CRYBG1: variants seen among roughly 807,000 people sequenced by gnomAD.
CRYBG1 encodes crystallin beta-gamma domain containing 1.
CRYBG1 carries 139 observed loss-of-function variants against 189.2 expected under a neutral mutation model. The observed-to-expected ratio is 0.73, with a 90% CI of 0.64 to 0.85. The LOEUF (loss-of-function observed/expected upper bound fraction) is 0.85, where lower values mean the gene tolerates loss of function less well. CRYBG1 is among the 40% of genes least tolerant of loss of function. The pLI, the probability that CRYBG1 is intolerant of heterozygous loss-of-function variation, is 0.00. For missense variants in CRYBG1, 2,611 were observed against 2,675.8 expected (o/e 0.98, Z 0.53); for synonymous variants, 1,023 against 1,017.1 (o/e 1.01, Z -0.11).
intron 2 of CRYBG1, among the ~76,000 whole-genome samples, chr6:106,492,135 G>A (rs867489946): frequency 7.2e-5 from 11 of 152,114 alleles, no homozygotes; most frequent in Middle Eastern, 3.4e-3. Context: ...AAAGCATTAC[G>A]CATATCTCAA....
chr6:106,427,264 G>C (rs1771244596), intron 1 of CRYBG1, among the ~76,000 whole-genome samples: 1 of 152,112 alleles, frequency 6.6e-6, no homozygotes, highest in Non-Finnish European at 1.5e-5. Context: ...AGCCTTCCCA[G>C]CCTCTCGACT....
At chr6:106,418,388 A>C (rs1771064319) in intron 1 of CRYBG1, among the ~76,000 whole-genome samples, 1 of 152,252 alleles carries the variant, frequency 6.6e-6, no homozygotes, top group South Asian at 2.1e-4. Flanking sequence ...CTGATCTTTC[A>C]GGCTTCAGGC....
At chr6:106,400,862 G>C (rs1042223595) in intron 1 of CRYBG1, among the ~76,000 whole-genome samples, 2 of 152,132 alleles carry the variant, frequency 1.3e-5, no homozygotes, top group Admixed American at 6.6e-5. Context: ...GAACTAAGTC[G>C]CAAAGTAGGT....
chr6:106,371,715 A>AT (rs1334713936), intron 1 of CRYBG1, among the ~76,000 whole-genome samples: 1 of 152,164 alleles, frequency 6.6e-6, no homozygotes, highest in African/African-American at 2.4e-5. Context: ...CTAAAACTAG[A>AT]TTTTGGATTT....
At chr6:106,564,947 T>C (rs978333450) in intron 21 of CRYBG1, among the ~76,000 whole-genome samples, 4 of 152,208 alleles carry the variant, frequency 2.6e-5, no homozygotes, top group Admixed American at 1.3e-4. Context: ...ACATACTCTA[T>C]TTTAAATCAT....
intron 1 of CRYBG1, among the ~76,000 whole-genome samples, chr6:106,422,344 A>ATTTATTTATTTATTTATTTTTTT (rs57640822): frequency 1.4e-5 from 2 of 139,928 alleles, no homozygotes; most frequent in East Asian, 4.4e-4. Flanking sequence ...TTATTTATTT[A>ATTTATTTATTTATTTATTTTTTT]TTTTTGAGAC....
At chr6:106,410,798 G>T (rs907242898) in intron 1 of CRYBG1, among the ~76,000 whole-genome samples, 15 of 152,140 alleles carry the variant, frequency 9.9e-5, no homozygotes, top group African/African-American at 3.6e-4. Context: ...CTCGTAAGTG[G>T]GAGTTGAACA....
intron 8 of CRYBG1, among the ~76,000 whole-genome samples, chr6:106,530,633 G>C (rs1056511983): frequency 6.4e-4 from 97 of 151,946 alleles, no homozygotes; most frequent in African/African-American, 2.2e-3. Context: ...GTGATTCAGA[G>C]GAGGTAATTC....
At chr6:106,433,303 T>C (rs1771371292) in intron 1 of CRYBG1, among the ~76,000 whole-genome samples, 1 of 152,148 alleles carries the variant, frequency 6.6e-6, no homozygotes, top group Non-Finnish European at 1.5e-5. Flanking sequence ...TATAAGACAA[T>C]CTTCATACTG....
Position 106,560,860 on chromosome 6 carries a change from A to G in CRYBG1, c.5913A>G (p.Ala1971=). Residue 1971 remains alanine (A), a synonymous_variant, in exon 19 of 22, where the codon GCA becomes GCG. Transcript: ENST00000633556. ...YRGRQFLLSP[A]EVPNWYEFSG... is the part of the protein sequence containing the mutation. ...GGCGACAGTTCCTATTGTCACCTGCAGAAGTACCTAATTGGTATGAATTCA... is the reference window on the plus strand; with the variant it reads ...GGCGACAGTTCCTATTGTCACCTGCGGAAGTACCTAATTGGTATGAATTCA... The G allele has an allele frequency of 6.2e-7, 1 of 1,613,436 alleles. No individual in the cohort carries two copies. Among genetic ancestry groups the G allele is most frequent in the South Asian group, 1.1e-5 (1 of 90,938 alleles).
chr6:106,423,598 G>A (rs535685674), intron 1 of CRYBG1, among the ~76,000 whole-genome samples: 1 of 151,538 alleles, frequency 6.6e-6, no homozygotes, highest in South Asian at 2.1e-4. Flanking sequence ...GTTGAACTGT[G>A]GAGGTACTAT....
chr6:106,446,836 C>T (rs2883222), intron 1 of CRYBG1, among the ~76,000 whole-genome samples: 19,233 of 152,240 alleles, frequency 0.13, 1,267 homozygotes, highest in Middle Eastern at 0.2. Context: ...AATAGCCATG[C>T]GGCTCTTTTA....
chr6:106,518,945 C>A (rs533188050), intron 3 of CRYBG1, among the ~76,000 whole-genome samples, 186 bp from the exon 4 acceptor site: 1 of 148,024 alleles, frequency 6.8e-6, no homozygotes, highest in Non-Finnish European at 1.5e-5. Flanking sequence ...GGCGACAGAG[C>A]AAGACCTTGT....
At chr6:106,377,462 G>C (rs1770190978) in intron 1 of CRYBG1, among the ~76,000 whole-genome samples, 1 of 151,924 alleles carries the variant, frequency 6.6e-6, no homozygotes, top group Non-Finnish European at 1.5e-5. Flanking sequence ...GACTTACTAG[G>C]GGCTGTTAAT....
chr6:106,375,706 A>G (rs1378981889), intron 1 of CRYBG1, among the ~76,000 whole-genome samples: 1 of 152,128 alleles, frequency 6.6e-6, no homozygotes, highest in Non-Finnish European at 1.5e-5. Context: ...TTGAGACTCC[A>G]GTTTTATTTT....
At chr6:106,451,418 A>G in intron 1 of CRYBG1, 1 of 245,990 alleles carries the variant, frequency 4.1e-6, no homozygotes. Flanking sequence ...CTGTCTCTCC[A>G]TCTAGTTTCT....
At chr6:106,375,796 G>T (rs1456923748) in intron 1 of CRYBG1, among the ~76,000 whole-genome samples, 1 of 152,196 alleles carries the variant, frequency 6.6e-6, no homozygotes, top group Non-Finnish European at 1.5e-5. Flanking sequence ...CTTCACCCCT[G>T]TGGGTGTACA....
intron 1 of CRYBG1, among the ~76,000 whole-genome samples, chr6:106,448,906 G>C (rs761812972): frequency 6.2e-4 from 94 of 152,134 alleles, no homozygotes; most frequent in Non-Finnish European, 1.0e-3. Flanking sequence ...TTCTAAGCAA[G>C]TTACACAGGA....
chr6:106,397,901 G>A (rs1770644252), intron 1 of CRYBG1, among the ~76,000 whole-genome samples: 1 of 152,152 alleles, frequency 6.6e-6, no homozygotes, highest in African/African-American at 2.4e-5. Context: ...CAGTGTCAAT[G>A]GAAACTATGG....
Sources: gnomAD v4.1 joint callset for allele counts (sites outside exome capture counted in the v4.1 genomes callset) on GRCh38, gnomAD v4.1.1 for gene constraint, MANE v1.5 for transcripts, NCBI Gene and HGNC (gene_info 2026-07-23, HGNC 2026-07-21) for gene names.